The following GLIS1 variants were observed in gnomAD, a reference collection of about 807,000 sequenced individuals.
GLIS1 encodes the protein GLIS family zinc finger 1, also known as zinc finger protein GLIS1.
Under a neutral mutation model 63.8 loss-of-function variants are expected in GLIS1, and 24 were observed. The observed-to-expected ratio is 0.38, with a 90% confidence interval of 0.27 to 0.53. The LOEUF (loss-of-function observed/expected upper bound fraction) is 0.53. GLIS1 is among the 20% of genes least tolerant of loss of function. The pLI, the probability that GLIS1 is intolerant of heterozygous loss-of-function variation, is 0.85. For missense variants in GLIS1, 1,036 were observed against 1,074.1 expected (o/e 0.96, Z 0.50); for synonymous variants, 450 against 482.5 (o/e 0.93, Z 0.88).
Position 53,594,560 on chromosome 1 carries a change from C to G in GLIS1, c.868G>C (p.Gly290Arg). 6.2e-7 allele frequency: 1 copy of G among 1,600,026 alleles called. No individual in the cohort carries two copies. Among genetic ancestry groups the G allele is most frequent in the Non-Finnish European group, 8.5e-7 (1 of 1,169,830 alleles). The change falls in exon 4 of 11, where the codon GGC becomes CGC. Residue 290 changes from glycine to arginine, a missense_variant. Gly to Arg is a moderately radical substitution (Grantham distance 125). This residue lies in a region of GLIS1 where 592 missense variants were observed against 593.9 expected (regional missense o/e 1.00). Coordinates refer to ENST00000628545, the MANE Select transcript of GLIS1 (RefSeq NM_001367484.1). ...CCAGGCCGGGCCCGCTTGGAAGGGCCCCCCAGATCTCCCGTCAGAGGGGGG... is the reference window on the plus strand; with the variant it reads ...CCAGGCCGGGCCCGCTTGGAAGGGCGCCCCAGATCTCCCGTCAGAGGGGGG... ...RSPPLTGDLGGPSKRARPGPA... is the reference protein window; with the variant it reads ...RSPPLTGDLGRPSKRARPGPA...
At chr1:53,718,231 T>C (rs909664072) in intron 2 of GLIS1, among the ~76,000 whole-genome samples, 6 of 152,178 alleles carry the variant, frequency 3.9e-5, no homozygotes, top group Admixed American at 2.6e-4. Flanking sequence ...TTGTGATATA[T>C]AGTAAACCAG....
At chr1:53,706,037 T>A (rs1003317430) in intron 2 of GLIS1, among the ~76,000 whole-genome samples, 29 of 152,292 alleles carry the variant, frequency 1.9e-4, no homozygotes, top group Admixed American at 1.8e-3. Flanking sequence ...TGCAGTGACC[T>A]TGAAAAGTGC....
intron 4 of GLIS1, among the ~76,000 whole-genome samples, chr1:53,543,588 A>G (rs1295240554): frequency 1.3e-5 from 2 of 152,194 alleles, no homozygotes; most frequent in African/African-American, 4.8e-5. Flanking sequence ...ACACTAGCCC[A>G]AGGGGAAGAA....
chr1:53,639,495 A>G lies in GLIS1; in HGVS notation c.260-39217T>C, dbSNP rs915555209. On this transcript the variant is annotated intron_variant, in intron 2 of 10. Transcript: ENST00000628545. The surrounding 1 kb of genome is among the most constrained non-coding windows in gnomAD (Gnocchi z 4.6). ...CAGTAAATTCCAAGCAGATGCGCAC[A>G]GGCTGTTTTGGTTGGAACCCTGGCC... Among the ~76,000 whole-genome samples the G allele has an allele frequency of 1.3e-5, 2 of 152,088 alleles. No homozygotes were observed. The highest frequency in any genetic ancestry group is 2.9e-5 in the Non-Finnish European group (2 of 68,012).
rs1193590045 is a variant in GLIS1 at position 53,560,459 on chromosome 1, A to G, written c.1321-30507T>C. Among the ~76,000 whole-genome samples the G allele has an allele frequency of 2.6e-5, 4 of 152,166 alleles. No homozygotes were observed. The highest frequency in any genetic ancestry group is 2.9e-5 in the Non-Finnish European group (2 of 68,024). ...GCAGACGGACAGTTCCGGTCGGGAGATATCTGGTCCACACACGGAGCAAAT... is the reference window on the plus strand; with the variant it reads ...GCAGACGGACAGTTCCGGTCGGGAGGTATCTGGTCCACACACGGAGCAAAT... On this transcript the variant is annotated intron_variant, in intron 4 of 10. Transcript: ENST00000628545. This position sits in a 1 kb window ranked among gnomAD's most constrained non-coding sequence, Gnocchi z 4.4.
intron 2 of GLIS1, among the ~76,000 whole-genome samples, chr1:53,710,059 G>A (rs151222877): frequency 8.6e-4 from 131 of 152,306 alleles, no homozygotes; most frequent in African/African-American, 3.1e-3. Context: ...CCCACACACT[G>A]ATGGTCCACC....
At chr1:53,733,644 G>A (rs896900787) in intron 2 of GLIS1, among the ~76,000 whole-genome samples, 1 of 152,052 alleles carries the variant, frequency 6.6e-6, no homozygotes, top group Non-Finnish European at 1.5e-5. Flanking sequence ...AAGATTTGTC[G>A]GATACATAAC....
chr1:53,597,189 A>C (rs1250096035), intron 3 of GLIS1, among the ~76,000 whole-genome samples: 3 of 141,992 alleles, frequency 2.1e-5, no homozygotes, highest in African/African-American at 7.9e-5. Context: ...AAAAAAAAAA[A>C]AAAAAAAAAA....
chr1:53,658,990 T>G (rs375363113), intron 2 of GLIS1, among the ~76,000 whole-genome samples: 2 of 152,204 alleles, frequency 1.3e-5, no homozygotes, highest in Admixed American at 6.5e-5. Flanking sequence ...CCTGGCCGCA[T>G]GACCCCAGAG....
In GLIS1 at chr1:53,575,614, C is replaced by T. The variant is rs369271136; in HGVS notation, c.1320+18494G>A. 3.3e-5 allele frequency among the ~76,000 whole-genome samples: 5 copies of T among 152,322 alleles called. No individual in the cohort carries two copies. In the South Asian group the frequency reaches 8.3e-4, roughly 25 times the overall value. ...TGTGTGACTTGGGTCACAAGTGGCT[C>T]TCCTTGTCTGGACTATGAGCACTTC... is the stretch of plus-strand genomic sequence containing the variant. On this transcript the variant is annotated intron_variant, in intron 4 of 10. Transcript: ENST00000628545.
chr1:53,562,650 A>G (rs917217877), intron 4 of GLIS1, among the ~76,000 whole-genome samples: 7 of 152,098 alleles, frequency 4.6e-5, no homozygotes, highest in Non-Finnish European at 1.0e-4. Context: ...GTGCTGGTAC[A>G]CCTCCAGATA....
At chr1:53,606,289 T>C (rs907092659) in intron 2 of GLIS1, among the ~76,000 whole-genome samples, 1 of 152,190 alleles carries the variant, frequency 6.6e-6, no homozygotes, top group Non-Finnish European at 1.5e-5. Flanking sequence ...AGAGCAGCCC[T>C]AGGCCAACGG....
At chr1:53,543,591 G>A (rs1362332725) in intron 4 of GLIS1, among the ~76,000 whole-genome samples, 1 of 152,166 alleles carries the variant, frequency 6.6e-6, no homozygotes. Context: ...CTAGCCCAAG[G>A]GGAAGAAATG....
chr1:53,510,693 C>T (rs1172520151), intron 8 of GLIS1, among the ~76,000 whole-genome samples: 2 of 152,148 alleles, frequency 1.3e-5, no homozygotes, highest in East Asian at 1.9e-4. Flanking sequence ...ACATTCTTAG[C>T]CACTCCATCA....
At chr1:53,530,284 G>A (rs1215841782) in intron 4 of GLIS1, among the ~76,000 whole-genome samples, 2 of 152,230 alleles carry the variant, frequency 1.3e-5, no homozygotes, top group African/African-American at 4.8e-5. Flanking sequence ...GCACAGCCCC[G>A]AATCAGGGCA....
chr1:53,565,032 TATC>T (rs1644925233), intron 4 of GLIS1, among the ~76,000 whole-genome samples: 1 of 151,944 alleles, frequency 6.6e-6, no homozygotes, highest in African/African-American at 2.4e-5. Context: ...ACAAGACCAA[TATC>T]ATATAAATAA....
rs779656693 is a variant in GLIS1 at position 53,509,194 on chromosome 1, A to G, written c.2156T>C (p.Val719Ala). Residue 719 changes from valine (V) to alanine (A), a missense_variant, in exon 10 of 11, where the codon GTC becomes GCC. Physicochemically the swap from Val to Ala is moderately conservative, Grantham distance 64 (BLOSUM62 0). Coordinates refer to ENST00000628545, the MANE Select transcript of GLIS1 (RefSeq NM_001367484.1). ...AEPAAGGDGL[V>A]GETHGFNPLR... ...GGGGTTGAAACCGTGGGTCTCCCCG[A>G]CCAGTCCGTCCCCACCGGCTGCTGG... The G allele has an allele frequency of 1.2e-6, 2 of 1,600,404 alleles. No individual in the cohort carries two copies. Among genetic ancestry groups the G allele is most frequent in the Non-Finnish European group, 1.7e-6 (2 of 1,174,204 alleles).
intron 2 of GLIS1, among the ~76,000 whole-genome samples, chr1:53,676,707 TC>T (rs1646216502): frequency 6.6e-6 from 1 of 152,134 alleles, no homozygotes; most frequent in South Asian, 2.1e-4. Context: ...GGCTGAGCCT[TC>T]CAGCTTTTCA....
chr1:53,661,446 T>C (rs1646027269), intron 2 of GLIS1, among the ~76,000 whole-genome samples: 1 of 152,184 alleles, frequency 6.6e-6, no homozygotes, highest in South Asian at 2.1e-4. Flanking sequence ...AAAGCCTAAT[T>C]GGTTTTTATT....
Sources: allele counts gnomAD v4.1 joint callset (sites outside exome capture counted in the v4.1 genomes callset), GRCh38; gene constraint gnomAD v4.1.1; regional missense constraint gnomAD v4.1.1; non-coding constraint Gnocchi (gnomAD v3.1); transcripts MANE v1.5; gene names NCBI Gene and HGNC (gene_info 2026-07-23, HGNC 2026-07-21).